DPEP3: variants seen among roughly 807,000 people sequenced by gnomAD.
The protein encoded by DPEP3 is membrane-bound dipeptidase 3.
Under a neutral mutation model 47.5 loss-of-function variants are expected in DPEP3, and 42 were observed. The ratio of observed to expected loss-of-function variants is 0.88; its 90% confidence interval spans 0.69 to 1.14. The LOEUF is 1.14. Ranked by LOEUF, DPEP3 falls within the 50% of genes most tolerant of loss-of-function variation. The pLI is 0.00. For synonymous variants in DPEP3, 276 were observed against 270.2 expected (o/e 1.02, Z -0.21); for missense variants, 560 against 635.0 (o/e 0.88, Z 1.27).
Position 67,980,113 on chromosome 16 carries a change from T to G in DPEP3, c.268A>C (p.Ser90Arg). The part of the protein sequence containing the change: ...LRGRAQALMR[S>R]FPLVDGHNDL... ...ACATACCCGTCCACGAGTGGGAAACTCCGCATCAGGGCCTGCGCGCGACCC... is the reference window on the plus strand; with the variant it reads ...ACATACCCGTCCACGAGTGGGAAACGCCGCATCAGGGCCTGCGCGCGACCC... The change falls in exon 1 of 10, where the codon AGT (serine) becomes CGT (arginine). Residue 90 changes from serine (S) to arginine (R), a missense_variant. Physicochemically the swap from Ser to Arg is moderately radical, Grantham distance 110 (BLOSUM62 -1). Transcript: ENST00000268793. The G allele has an allele frequency of 1.2e-6, 2 of 1,611,820 alleles. No individual in the cohort carries two copies. The highest frequency in any genetic ancestry group is 1.7e-6 in the Non-Finnish European group (2 of 1,179,106).
chr16:67,977,222 G>A (rs2031214815), intron 7 of DPEP3, 48 bp downstream of exon 7: 2 of 1,574,478 alleles, frequency 1.3e-6, no homozygotes, highest in South Asian at 1.1e-5. Context: ...GAGGGCCCTG[G>A]CAGCCACAGC....
Position 67,980,382 on chromosome 16 carries a change from T to G in DPEP3, c.-2A>C. On this transcript the variant is annotated 5_prime_UTR_variant, in exon 1 of 10. Coordinates refer to ENST00000268793, the MANE Select transcript of DPEP3 (RefSeq NM_001370198.1). The stretch of plus-strand genomic sequence containing the variant: ...ACCCTCGCGGCCCGTGGGCTGCATG[T>G]TGCGCGGGGGTCGGCCGCGGGAGCC... 6.6e-7 allele frequency: 1 copy of G among 1,526,068 alleles called. No individual in the cohort carries two copies. Among genetic ancestry groups the G allele is most frequent in the Non-Finnish European group, 8.8e-7 (1 of 1,136,276 alleles). 94.5% of individuals were successfully genotyped at this position (1,526,068 alleles called of 1,614,324 possible).
Position 67,978,687 on chromosome 16 carries a change from C to T in DPEP3, c.415-61G>A. On this transcript the variant is annotated intron_variant, in intron 2 of 9. Coordinates refer to ENST00000268793, the MANE Select transcript of DPEP3 (RefSeq NM_001370198.1). This position sits in a 1 kb window ranked among gnomAD's most constrained non-coding sequence, Gnocchi z 4.4. ...GGCGGTCTTCAACCCCCTAGGCCTG[C>T]CACTCCTGCCTCAGACCCCATAACA... 3 of 1,592,808 alleles carry T rather than the reference C, an allele frequency of 1.9e-6. No homozygotes were observed. Among genetic ancestry groups the T allele is most frequent in the Middle Eastern group, 1.7e-4 (1 of 5,954 alleles).
Position 67,978,581 on chromosome 16 carries a change from CG to C in DPEP3, c.459del (p.Val154CysfsTer24). On this transcript the variant is annotated frameshift_variant, in exon 3 of 10. Transcript: ENST00000268793. LOFTEE classifies it high-confidence loss of function. This position sits in a 1 kb window ranked among gnomAD's most constrained non-coding sequence, Gnocchi z 4.4. ...SVSCQSQDQT[A>X]VRLALEQIDL... is the part of the protein sequence containing the mutation. ...TCAATCTGCTCCAGGGCGAGGCGCA[CG>C]GCAGTCTGGTCCTGGGACTGGCATG... 6.2e-7 allele frequency: 1 copy of C among 1,613,912 alleles called. No homozygotes were observed. The highest frequency in any genetic ancestry group is 8.5e-7 in the Non-Finnish European group (1 of 1,179,916).
rs1419111203 is a variant in DPEP3, at chr16:67,980,140, G to A, written c.241C>T (p.Arg81Trp). The A allele has an allele frequency of 1.2e-6, 2 of 1,612,888 alleles. No individual in the cohort carries two copies. Among genetic ancestry groups the A allele is most frequent in the South Asian group, 1.1e-5 (1 of 90,912 alleles). ...CGCATCAGGGCCTGCGCGCGACCCC[G>A]AAGGTCCAGGGTTTTGGGGGTGCCT... ...TPGTPKTLDLRGRAQALMRSF... is the reference protein window; with the variant it reads ...TPGTPKTLDLWGRAQALMRSF... The change falls in exon 1 of 10, where the codon CGG becomes TGG. Residue 81 changes from arginine (R) to tryptophan (W), a missense_variant. Transcript: ENST00000268793.
chr16:67,980,364 C>T lies in DPEP3; in HGVS notation c.17G>A (p.Arg6His), dbSNP rs1208906485. 2.6e-6 allele frequency: 4 copies of T among 1,542,426 alleles called. No homozygotes were observed. The highest frequency in any genetic ancestry group is 3.5e-6 in the Non-Finnish European group (4 of 1,143,932). ...CCGGCTGAGCGCGCGGGAACCCTCG[C>T]GGCCCGTGGGCTGCATGTTGCGCGG... MQPTG[R>H]EGSRALSRRY... The change falls in exon 1 of 10, where the codon CGC (arginine) becomes CAC (histidine). Residue 6 changes from arginine (R) to histidine (H), a missense_variant. Physicochemically the swap from Arg to His is conservative, Grantham distance 29. Transcript: ENST00000268793.
chr16:67,976,999 G>C (rs914913391), intron 7 of DPEP3, among the ~76,000 whole-genome samples: 1 of 152,186 alleles, frequency 6.6e-6, no homozygotes, highest in African/African-American at 2.4e-5. Context: ...GGTTCCTTGA[G>C]AGCCTGGTGC....
chr16:67,977,341 C>T lies in DPEP3; in HGVS notation c.947G>A (p.Gly316Asp), dbSNP rs768297597. The T allele has an allele frequency of 1.9e-6, 3 of 1,613,856 alleles. No homozygotes were observed. Among genetic ancestry groups the T allele is most frequent in the Non-Finnish European group, 2.5e-6 (3 of 1,179,846 alleles). ...CATGGACAGTGTCACCATCACGATG[C>T]CACCGTTCTTCTTCTAGAGGGATAA... is the stretch of plus-strand genomic sequence containing the variant. The part of the protein sequence containing the change: ...DILQLLKKNG[G>D]IVMVTLSMGV... Residue 316 changes from glycine (G) to aspartate (D), a missense_variant, in exon 7 of 10, where the codon GGC (glycine) becomes GAC (aspartate). Gly to Asp is a moderately conservative substitution (Grantham distance 94). Coordinates refer to ENST00000268793, the MANE Select transcript of DPEP3 (RefSeq NM_001370198.1).
chr16:67,976,354 C>T (rs201649210), intron 8 of DPEP3, 126 bp from the exon 9 acceptor site: 40 of 1,324,824 alleles, frequency 3.0e-5, no homozygotes, highest in Non-Finnish European at 4.0e-5. Context: ...GTGAATGCAA[C>T]CTTGGAGGCT....
chr16:67,979,707 T>C lies in DPEP3; in HGVS notation c.346A>G (p.Asn116Asp). Residue 116 changes from asparagine (N) to aspartate (D), a missense_variant, in exon 2 of 10, where the codon AAC (asparagine) becomes GAC (aspartate). Transcript: ENST00000268793. Reference protein sequence around the residue: ...QRYKNVLQDVNLRNFSHGQTS... With the variant: ...QRYKNVLQDVDLRNFSHGQTS... ...TGACCATGGCTGAAATTTCGCAGGT[T>C]AACATCCTGAAGCACATTCTTGTAA... 4.3e-6 allele frequency: 7 copies of C among 1,614,162 alleles called. No homozygotes were observed. Among genetic ancestry groups the C allele is most frequent in the Non-Finnish European group, 5.9e-6 (7 of 1,180,002 alleles).
At chr16:67,979,900 G>T in intron 1 of DPEP3, 135 bp from the exon 2 acceptor site, 1 of 1,432,634 alleles carries the variant, frequency 7.0e-7, no homozygotes, top group Non-Finnish European at 9.4e-7. Flanking sequence ...AGGTTGGGTT[G>T]GAGGGAGGGG....
rs1219925453 is a variant in DPEP3 at position 67,977,308 on chromosome 16, A to G, written c.980T>C (p.Leu327Pro). The G allele has an allele frequency of 6.2e-7, 1 of 1,613,946 alleles. No individual in the cohort carries two copies. The highest frequency in any genetic ancestry group is 2.2e-5 in the East Asian group (1 of 44,888). The change falls in exon 7 of 10, where the codon CTG becomes CCG. Residue 327 changes from leucine (L) to proline (P), a missense_variant. Transcript: ENST00000268793. ...IVMVTLSMGVLQCNLLANVST... is the reference protein window; with the variant it reads ...IVMVTLSMGVPQCNLLANVST... The stretch of plus-strand genomic sequence containing the variant: ...CACGTTAGCAAGCAGGTTGCACTGC[A>G]GCACCCCCATGGACAGTGTCACCAT...
At chr16:67,979,607 A>G (rs201060618) in intron 2 of DPEP3, 32 bp downstream of exon 2, 14 of 1,611,120 alleles carry the variant, frequency 8.7e-6, no homozygotes, top group Non-Finnish European at 1.2e-5. Context: ...CCCAGCAGCC[A>G]TGCTGTGGCA....
At position 67,979,771 on chromosome 16, in the gene DPEP3, G is replaced by A; in HGVS notation, c.288-6C>T. The A allele has an allele frequency of 3.1e-6, 5 of 1,613,632 alleles. No homozygotes were observed. The highest frequency in any genetic ancestry group is 4.2e-6 in the Non-Finnish European group (5 of 1,179,800). ...CCTGGGGCAGGTCATTGTGGCTGGG[G>A]GTGTGAAGGTCAGATGGAAACACCG... is the stretch of plus-strand genomic sequence containing the variant. On this transcript the variant is annotated splice_polypyrimidine_tract_variant and splice_region_variant and intron_variant, in intron 1 of 9. Coordinates refer to ENST00000268793, the MANE Select transcript of DPEP3 (RefSeq NM_001370198.1).
rs2031303206 is a variant in DPEP3, at chr16:67,980,441, T to G, written c.-61A>C. Reference sequence around the variant, plus strand: ...GCAGGCGATGGGCAGAGGCCGACAATGGGGTCCGGATCATGACGACCCAGC... The same window carrying G: ...GCAGGCGATGGGCAGAGGCCGACAAGGGGGTCCGGATCATGACGACCCAGC... On this transcript the variant is annotated 5_prime_UTR_variant, in exon 1 of 10. Transcript: ENST00000268793. 1.4e-6 allele frequency: 2 copies of G among 1,471,406 alleles called. No individual in the cohort carries two copies. Among genetic ancestry groups the G allele is most frequent in the Admixed American group, 5.0e-5 (2 of 39,604 alleles). 91.1% of individuals were successfully genotyped at this position (1,471,406 alleles called of 1,614,324 possible).
rs756932369 is a variant in DPEP3 at position 67,980,274 on chromosome 16, G to A, written c.107C>T (p.Ala36Val). The change falls in exon 1 of 10, where the codon GCG (alanine) becomes GTG (valine). Residue 36 changes from alanine (A) to valine (V), a missense_variant. Ala to Val is a moderately conservative substitution (Grantham distance 64). Transcript: ENST00000268793. ...TCTGGGGGCGCCCGGCGTGGTCTCC[G>A]CGCGGGTTACGGGCTGCCGCAGCAG... ...LLLLRQPVTR[A>V]ETTPGAPRAL... 5 of 1,589,492 alleles carry A rather than the reference G, an allele frequency of 3.1e-6. No homozygotes were observed. The highest frequency in any genetic ancestry group is 3.4e-6 in the Non-Finnish European group (4 of 1,169,620).
At chr16:67,977,496 T>C (rs1485894893) in intron 6 of DPEP3, 142 bp from the exon 7 acceptor site, 23 of 1,263,716 alleles carry the variant, frequency 1.8e-5, no homozygotes, top group African/African-American at 3.0e-5. Flanking sequence ...TGTGGGTCCC[T>C]GAGTGGAAAT....
chr16:67,976,896 C>T, intron 7 of DPEP3, 121 bp from the exon 8 acceptor site: 1 of 819,176 alleles, frequency 1.2e-6, no homozygotes. Context: ...AGTCATGAGT[C>T]CTGAAGCGGG....
chr16:67,977,799 T>C lies in DPEP3; in HGVS notation c.787A>G (p.Met263Val), dbSNP rs370989121. ...GATGCATAGGACAAATCTATCATCA[T>C]GCCCAGGCGGTTCAACTCCTCTACT... ...KVVEELNRLG[M>V]MIDLSYASDT... Residue 263 changes from methionine (M) to valine (V), a missense_variant, in exon 6 of 10, where the codon ATG becomes GTG. Coordinates refer to ENST00000268793, the MANE Select transcript of DPEP3 (RefSeq NM_001370198.1). 3.7e-6 allele frequency: 6 copies of C among 1,614,006 alleles called. No individual in the cohort carries two copies. The highest frequency in any genetic ancestry group is 5.1e-6 in the Non-Finnish European group (6 of 1,179,880).
Sources: gnomAD v4.1 joint callset for allele counts (sites outside exome capture counted in the v4.1 genomes callset) on GRCh38, gnomAD v4.1.1 for gene constraint, Gnocchi (gnomAD v3.1) non-coding constraint, MANE v1.5 for transcripts, NCBI Gene and HGNC (gene_info 2026-07-23, HGNC 2026-07-21) for gene names.